The following GRM5 variants were observed in gnomAD, a reference collection of about 807,000 sequenced individuals.
GRM5 encodes the protein metabotropic glutamate receptor 5.
In GRM5, 19 loss-of-function variants were observed where a neutral mutation model predicts 83.1. That is an observed-to-expected ratio of 0.23 (90% CI 0.16 to 0.34). The LOEUF is 0.34. GRM5 is among the 10% of genes least tolerant of loss of function. The pLI is 1.00. For synonymous variants in GRM5, 675 were observed against 633.6 expected (o/e 1.07, Z -0.98); for missense variants, 1,160 against 1,588.3 (o/e 0.73, Z 4.58).
intron 3 of GRM5, among the ~76,000 whole-genome samples, chr11:88,827,922 G>A (rs1035363589): frequency 5.3e-5 from 8 of 152,154 alleles, no homozygotes; most frequent in African/African-American, 1.9e-4. Flanking sequence ...AAAGTGGGTG[G>A]GGGGTAAAGA....
intron 3 of GRM5, among the ~76,000 whole-genome samples, chr11:88,832,586 A>G (rs1944015856): frequency 1.3e-5 from 2 of 152,116 alleles, no homozygotes; most frequent in African/African-American, 4.8e-5. Context: ...AAATACCAAT[A>G]ATATTCTTCA....
At chr11:89,050,237 A>G (rs944653122) in intron 1 of GRM5, among the ~76,000 whole-genome samples, 36 of 152,214 alleles carry the variant, frequency 2.4e-4, no homozygotes, top group African/African-American at 8.4e-4. Context: ...TCAGTGAAAG[A>G]GACTAGTGTA....
At chr11:88,755,115 C>T (rs1942370031) in intron 3 of GRM5, among the ~76,000 whole-genome samples, 1 of 152,084 alleles carries the variant, frequency 6.6e-6, no homozygotes, top group African/African-American at 2.4e-5. Context: ...GATTAACAAT[C>T]CTTATAAGAA....
At chr11:88,866,250 G>A (rs1477712254) in intron 2 of GRM5, among the ~76,000 whole-genome samples, 4 of 152,056 alleles carry the variant, frequency 2.6e-5, no homozygotes, top group Non-Finnish European at 4.4e-5. Flanking sequence ...CATGTCCTTT[G>A]CAGGCACATG....
intron 2 of GRM5, among the ~76,000 whole-genome samples, chr11:88,945,365 T>C (rs1165753102): frequency 1.3e-5 from 2 of 152,046 alleles, no homozygotes; most frequent in Non-Finnish European, 2.9e-5. Flanking sequence ...ATTACCAATG[T>C]CATTTTTCAC....
chr11:88,868,574 G>A (rs1381204723), intron 2 of GRM5, among the ~76,000 whole-genome samples: 1 of 151,614 alleles, frequency 6.6e-6, no homozygotes, highest in East Asian at 1.9e-4. Context: ...ACACATTCCT[G>A]AATGAAAACC....
At chr11:88,920,905 G>T (rs538776451) in intron 2 of GRM5, among the ~76,000 whole-genome samples, 1 of 152,092 alleles carries the variant, frequency 6.6e-6, no homozygotes, top group Non-Finnish European at 1.5e-5. Context: ...GACAGGAAAA[G>T]TGCTACATAA....
chr11:88,560,950 G>T (rs1403769509), intron 8 of GRM5, among the ~76,000 whole-genome samples: 1 of 152,174 alleles, frequency 6.6e-6, no homozygotes, highest in Non-Finnish European at 1.5e-5. Flanking sequence ...CAAGAGTCCA[G>T]ATGTGGGAAA....
chr11:88,972,037 C>T lies in GRM5; in HGVS notation c.661+75175G>A, dbSNP rs150353417. Among the ~76,000 whole-genome samples the T allele has an allele frequency of 9.0e-3, 1,367 of 152,226 alleles. 16 individuals carry two copies. Among genetic ancestry groups the T allele is most frequent in the African/African-American group, 0.025 (1,033 of 41,544 alleles). ...GATAATTGACACGGCAGGAGCATCG[C>T]CATCTTGGACAAGCACTGCCATCTT... is the stretch of plus-strand genomic sequence containing the variant. On this transcript the variant is annotated intron_variant, in intron 2 of 9. Coordinates refer to ENST00000305447, the MANE Select transcript of GRM5 (RefSeq NM_001143831.3).
rs374225950 is a variant in GRM5, at chr11:88,925,908, C to CA, written c.662-75754dup. On this transcript the variant is annotated intron_variant, in intron 2 of 9. Coordinates refer to ENST00000305447, the MANE Select transcript of GRM5 (RefSeq NM_001143831.3). Reference sequence around the variant, plus strand: ...TGGGTGACAGAGCAACACTCAGTCTCAAAAAAAATAAAAAAGTGAGGCACA... The same window carrying CA: ...TGGGTGACAGAGCAACACTCAGTCTCAAAAAAAAATAAAAAAGTGAGGCACA... The CA allele has an allele frequency of 2.6e-4, 73 of 281,356 alleles. No individual in the cohort carries two copies. The Middle Eastern group carries it at 6.7e-3, about 26-fold the overall frequency. 17.4% of individuals were successfully genotyped at this position (281,356 alleles called of 1,614,324 possible). A position where few individuals can be genotyped will look rare whatever the true frequency, so the allele number is the denominator to read the frequency against.
intron 2 of GRM5, among the ~76,000 whole-genome samples, chr11:89,002,763 G>T (rs1337929888): frequency 6.6e-6 from 1 of 151,942 alleles, no homozygotes; most frequent in African/African-American, 2.4e-5. Flanking sequence ...CCCTCCAAAG[G>T]CTTCCATTTT....
intron 2 of GRM5, among the ~76,000 whole-genome samples, chr11:88,898,248 C>T (rs1449294881): frequency 6.6e-6 from 1 of 151,832 alleles, no homozygotes; most frequent in South Asian, 2.1e-4. Context: ...TGAATAAGGG[C>T]CCACACTAGT....
chr11:88,650,689 A>G (rs1939608397), intron 4 of GRM5, among the ~76,000 whole-genome samples: 1 of 152,040 alleles, frequency 6.6e-6, no homozygotes. Context: ...AGTAAGACAT[A>G]AATCTAATAA....
At chr11:88,570,742 T>C (rs1942981011) in intron 7 of GRM5, among the ~76,000 whole-genome samples, 1 of 151,072 alleles carries the variant, frequency 6.6e-6, no homozygotes, top group African/African-American at 2.4e-5. Flanking sequence ...AATTTTTTTG[T>C]ATATTTAGTA....
chr11:89,056,956 T>G (rs1941890109), intron 1 of GRM5, among the ~76,000 whole-genome samples: 1 of 152,156 alleles, frequency 6.6e-6, no homozygotes, highest in East Asian at 1.9e-4. Context: ...CACTCTCATA[T>G]TATATCCTAA....
intron 3 of GRM5, among the ~76,000 whole-genome samples, chr11:88,691,181 T>G (rs1285379174): frequency 3.3e-5 from 5 of 152,174 alleles, no homozygotes; most frequent in African/African-American, 1.2e-4. Flanking sequence ...GATAGTATAT[T>G]TCTAATAAAG....
At chr11:88,894,745 G>T (rs2135589105) in intron 2 of GRM5, among the ~76,000 whole-genome samples, 2 of 152,020 alleles carry the variant, frequency 1.3e-5, no homozygotes, top group East Asian at 3.9e-4. Flanking sequence ...ACGGGGATTT[G>T]GGGACAATAT....
intron 9 of GRM5, among the ~76,000 whole-genome samples, chr11:88,524,803 G>A (rs1941825437): frequency 6.6e-6 from 1 of 152,208 alleles, no homozygotes; most frequent in Non-Finnish European, 1.5e-5. Context: ...AGTTTGGCAA[G>A]GCATTTGCCC....
chr11:88,801,632 A>C (rs375152185), intron 3 of GRM5, among the ~76,000 whole-genome samples: 109 of 152,280 alleles, frequency 7.2e-4, no homozygotes, highest in Middle Eastern at 3.4e-3. Flanking sequence ...GTATGAGTTA[A>C]AAGAGTGTAT....
Sources: gnomAD v4.1 joint callset for allele counts (sites outside exome capture counted in the v4.1 genomes callset) on GRCh38, gnomAD v4.1.1 for gene constraint, MANE v1.5 for transcripts, NCBI Gene and HGNC (gene_info 2026-07-23, HGNC 2026-07-21) for gene names.